SEMA4D: variants seen among roughly 807,000 people sequenced by gnomAD.
SEMA4D encodes the protein semaphorin-4D.
SEMA4D carries 22 observed loss-of-function variants against 74.8 expected under a neutral mutation model. The ratio of observed to expected loss-of-function variants is 0.29; its 90% CI spans 0.21 to 0.42. The LOEUF (loss-of-function observed/expected upper bound fraction) is 0.42. SEMA4D is among the 10% of genes least tolerant of loss of function. SEMA4D has a pLI of 1.00. For missense variants in SEMA4D, 937 were observed against 1,118.4 expected, an observed-to-expected ratio of 0.84 and a Z score of 2.31; for synonymous variants, 445 against 463.7, an observed-to-expected ratio of 0.96 and a Z score of 0.52.
At chr9:89,370,303 G>A (rs747773999) in intron 16 of SEMA4D, among the ~76,000 whole-genome samples, 21 of 151,606 alleles carry the variant, frequency 1.4e-4, no homozygotes, top group South Asian at 6.2e-4. Context: ...ATGTGTGTGC[G>A]TGTTATGTCG....
intron 2 of SEMA4D, among the ~76,000 whole-genome samples, chr9:89,407,356 A>G (rs1341295589): frequency 1.3e-5 from 2 of 152,180 alleles, no homozygotes; most frequent in Non-Finnish European, 2.9e-5. Flanking sequence ...TGATGGCTGG[A>G]GCTCTGGCAG....
intron 13 of SEMA4D, 134 bp downstream of exon 13, chr9:89,386,233 G>A (rs1838449595): frequency 2.0e-6 from 2 of 1,009,500 alleles, no homozygotes; most frequent in East Asian, 5.4e-5. Context: ...AAACTCTGAA[G>A]GTTGGCTCAC....
chr9:89,442,145 G>GC (rs879293132), intron 2 of SEMA4D, among the ~76,000 whole-genome samples: 11,085 of 152,134 alleles, frequency 0.073, 605 homozygotes, highest in East Asian at 0.29. Flanking sequence ...CTTTTCCCCT[G>GC]GCCCAGGACA....
chr9:89,428,806 G>C (rs1564747927), intron 2 of SEMA4D, among the ~76,000 whole-genome samples: 1 of 152,224 alleles, frequency 6.6e-6, no homozygotes, highest in Non-Finnish European at 1.5e-5. Flanking sequence ...AGTATGGGCT[G>C]GCCATAGGGA....
chr9:89,387,259 A>G (rs1439070856), intron 12 of SEMA4D, 127 bp downstream of exon 12: 1 of 766,368 alleles, frequency 1.3e-6, no homozygotes, highest in Non-Finnish European at 2.1e-6. Context: ...GCTCCCACAA[A>G]CCTCCCAGGT....
intron 2 of SEMA4D, among the ~76,000 whole-genome samples, chr9:89,443,535 G>A (rs1465833446): frequency 6.6e-6 from 1 of 152,252 alleles, no homozygotes; most frequent in Admixed American, 6.5e-5. Context: ...AGCCACCCGG[G>A]AAGCAGGTCC....
At chr9:89,399,397 T>C (rs1431282074) in intron 4 of SEMA4D, 59 bp from the exon 5 acceptor site, 4 of 1,269,462 alleles carry the variant, frequency 3.2e-6, no homozygotes, top group South Asian at 1.2e-5. Context: ...AGTATAAAAA[T>C]GCACAATTTT....
chr9:89,453,546 C>A (rs528870817), intron 2 of SEMA4D, among the ~76,000 whole-genome samples: 2 of 152,362 alleles, frequency 1.3e-5, no homozygotes, highest in East Asian at 3.9e-4. Flanking sequence ...GTGTTTCCAG[C>A]CACGTCCAAC....
chr9:89,404,274 G>T (rs1438321220), intron 3 of SEMA4D, among the ~76,000 whole-genome samples: 1 of 152,214 alleles, frequency 6.6e-6, no homozygotes, highest in Non-Finnish European at 1.5e-5. Flanking sequence ...TGGAGCAGAC[G>T]CTCAGTGGGG....
intron 5 of SEMA4D, among the ~76,000 whole-genome samples, chr9:89,398,894 C>A (rs1224766898): frequency 2.6e-5 from 4 of 152,222 alleles, no homozygotes; most frequent in African/African-American, 9.6e-5. Context: ...TGACTAGCAA[C>A]TCCTCCAAGC....
intron 13 of SEMA4D, chr9:89,385,161 CGG>C: frequency 1.1e-6 from 1 of 881,054 alleles, no homozygotes; most frequent in Non-Finnish European, 1.4e-6. Flanking sequence ...CCCCTCTGTG[CGG>C]CCCTCCTCTT....
chr9:89,415,987 T>C (rs904453377), intron 2 of SEMA4D, among the ~76,000 whole-genome samples: 1 of 152,262 alleles, frequency 6.6e-6, no homozygotes, highest in African/African-American at 2.4e-5. Context: ...AGTTTTGCTT[T>C]AAGTGGACTT....
chr9:89,388,602 G>GA, intron 11 of SEMA4D, 34 bp downstream of exon 11: 1 of 1,577,666 alleles, frequency 6.3e-7, no homozygotes, highest in Non-Finnish European at 8.5e-7. Context: ...GCCTTGAAGG[G>GA]AAAGCACGGC....
chr9:89,386,722 A>G (rs1838595486), intron 12 of SEMA4D: 1 of 423,488 alleles, frequency 2.4e-6, no homozygotes. Flanking sequence ...AAACTGTTCC[A>G]TGGTTGACCC....
downstream of SEMA4D, among the ~76,000 whole-genome samples, chr9:89,372,956 C>G (rs573877969): frequency 1.3e-5 from 2 of 152,222 alleles, no homozygotes; most frequent in South Asian, 4.1e-4. Flanking sequence ...TTCCTAGAGG[C>G]GAGAACTGTG....
chr9:89,384,721 G>A (rs536858032), intron 13 of SEMA4D: 16 of 985,424 alleles, frequency 1.6e-5, no homozygotes, highest in South Asian at 9.4e-5. Context: ...GAGGCACAGC[G>A]CACCTCCCCA....
intron 2 of SEMA4D, among the ~76,000 whole-genome samples, chr9:89,423,807 A>G (rs1440273780): frequency 1.2e-5 from 1 of 85,342 alleles, no homozygotes; most frequent in Non-Finnish European, 2.3e-5. Flanking sequence ...TCCCTCCACT[A>G]ATCCCTCAGC....
chr9:89,480,836 C>T lies in SEMA4D; in HGVS notation c.-310+17083G>A, dbSNP rs573689576. Among the ~76,000 whole-genome samples the T allele has an allele frequency of 9.8e-5, 15 of 152,356 alleles. No individual in the cohort carries two copies. In the South Asian group the frequency reaches 1.2e-3, roughly 13 times the overall value. On this transcript the variant is annotated intron_variant, in intron 1 of 15. Coordinates refer to ENST00000422704, the MANE Select transcript of SEMA4D (RefSeq NM_001371194.2). ...CCCTACAAACTGGGGGAGTGGGCTC[C>T]GGCCTTGGCCAGCCCAGAAAGGGGC... is the stretch of plus-strand genomic sequence containing the variant.
chr9:89,424,226 T>C (rs1847637550), intron 2 of SEMA4D, among the ~76,000 whole-genome samples: 2 of 152,162 alleles, frequency 1.3e-5, no homozygotes, highest in South Asian at 2.1e-4. Flanking sequence ...ATGAGGACTG[T>C]AAGGCATGGA....
Sources: allele counts gnomAD v4.1 joint callset (sites outside exome capture counted in the v4.1 genomes callset), GRCh38; gene constraint gnomAD v4.1.1; transcripts MANE v1.5; gene names NCBI Gene and HGNC (gene_info 2026-07-23, HGNC 2026-07-21).